CENPW: variants seen among roughly 807,000 people sequenced by gnomAD.
The protein encoded by CENPW is centromere protein W.
A neutral mutation model predicts 11.1 loss-of-function variants in CENPW; 3 were observed. The observed-to-expected ratio is 0.27, with a 90% CI of 0.12 to 0.70. The LOEUF is 0.70. Ranked by LOEUF, CENPW falls within the 30% of genes least tolerant of loss-of-function variation. The probability of loss-of-function intolerance (pLI) is 0.77; values close to 1 mark genes in which losing one functional copy is unlikely to be tolerated. For missense variants in CENPW, 100 were observed against 105.6 expected (o/e 0.95, Z 0.23); for synonymous variants, 38 against 42.0 (o/e 0.91, Z 0.37).
At chr6:126,403,464 T>C in the CENPW span, among the ~76,000 whole-genome samples, 1 of 152,020 alleles carries the variant, frequency 6.6e-6, no homozygotes, top group South Asian at 2.1e-4. Flanking sequence ...TGCAGAAAAT[T>C]TTAGTGGTCT....
At position 126,340,153 on chromosome 6, in the gene CENPW, T is replaced by A; in HGVS notation, c.-121T>A. The A allele has an allele frequency of 1.1e-6, 1 of 940,062 alleles. No homozygotes were observed. The highest frequency in any genetic ancestry group is 1.6e-6 in the Non-Finnish European group (1 of 608,820). The allele number at this position is 940,062 out of a possible 1,614,324, so 58.2% of individuals were successfully genotyped here. A position where few individuals can be genotyped will look rare whatever the true frequency, so the allele number is the denominator to read the frequency against. On this transcript the variant is annotated 5_prime_UTR_variant, in exon 1 of 3. Coordinates refer to ENST00000368328, the MANE Select transcript of CENPW (RefSeq NM_001012507.4). ...CGGATTCGAACGTTCGGACTGAGGTTTTTCTGCCTGAAGAAGCGTCATACG... is the reference window on the plus strand; with the variant it reads ...CGGATTCGAACGTTCGGACTGAGGTATTTCTGCCTGAAGAAGCGTCATACG...
intron 1 of CENPW, among the ~76,000 whole-genome samples, chr6:126,343,343 A>C (rs2128289572): frequency 6.6e-6 from 1 of 152,312 alleles, no homozygotes; most frequent in South Asian, 2.1e-4. Context: ...TTGCTTGAAA[A>C]AATTTTTGTG....
chr6:126,389,079 T>A, the CENPW span, among the ~76,000 whole-genome samples: 1 of 152,116 alleles, frequency 6.6e-6, no homozygotes, highest in South Asian at 2.1e-4. Flanking sequence ...TCCATCTCTG[T>A]TGTTCTTTGA....
the CENPW span, among the ~76,000 whole-genome samples, chr6:126,418,726 G>C: frequency 6.6e-6 from 1 of 151,816 alleles, no homozygotes; most frequent in Non-Finnish European, 1.5e-5. Flanking sequence ...TCAACTCTGG[G>C]GTTAATATTA....
At chr6:126,474,998 G>T in the CENPW span, among the ~76,000 whole-genome samples, 1 of 152,028 alleles carries the variant, frequency 6.6e-6, no homozygotes, top group Non-Finnish European at 1.5e-5. Context: ...ATTACATGTG[G>T]CATGTGGAAG....
chr6:126,363,982 T>C, the CENPW span, among the ~76,000 whole-genome samples: 1 of 152,202 alleles, frequency 6.6e-6, no homozygotes, highest in Non-Finnish European at 1.5e-5. Flanking sequence ...AGTGTCTCTT[T>C]TTCTTTTATG....
the CENPW span, among the ~76,000 whole-genome samples, chr6:126,388,363 A>G: frequency 6.6e-6 from 1 of 151,966 alleles, no homozygotes; most frequent in African/African-American, 2.4e-5. Flanking sequence ...AAGGCGATTT[A>G]CAGATAGCAC....
At chr6:126,458,704 T>C in the CENPW span, among the ~76,000 whole-genome samples, 96 of 151,430 alleles carry the variant, frequency 6.3e-4, no homozygotes, top group Non-Finnish European at 1.2e-3. Context: ...TATATCATGA[T>C]AGAAAGGAGG....
chr6:126,395,448 A>G, the CENPW span, among the ~76,000 whole-genome samples: 1 of 152,100 alleles, frequency 6.6e-6, no homozygotes, highest in Non-Finnish European at 1.5e-5. Flanking sequence ...TCTCTTTGTT[A>G]TCTTAAATTT....
chr6:126,436,860 G>C, the CENPW span, among the ~76,000 whole-genome samples: 1 of 151,954 alleles, frequency 6.6e-6, no homozygotes, highest in South Asian at 2.1e-4. Flanking sequence ...CATATGGCCT[G>C]CTTTCTTTCT....
the CENPW span, among the ~76,000 whole-genome samples, chr6:126,417,142 A>T: frequency 3.0e-4 from 45 of 152,324 alleles, no homozygotes; most frequent in East Asian, 2.9e-3. Flanking sequence ...TCATGAAATC[A>T]AAGGAGATCA....
chr6:126,385,238 C>G, the CENPW span, among the ~76,000 whole-genome samples: 2 of 152,250 alleles, frequency 1.3e-5, no homozygotes, highest in African/African-American at 4.8e-5. Flanking sequence ...CCATTCAACC[C>G]AGCGATCCCA....
chr6:126,450,904 G>A, the CENPW span, among the ~76,000 whole-genome samples: 1 of 150,776 alleles, frequency 6.6e-6, no homozygotes, highest in South Asian at 2.1e-4. Context: ...CCCATTGTCA[G>A]TGAATGAATA....
chr6:126,479,796 A>G, the CENPW span, among the ~76,000 whole-genome samples: 95 of 152,132 alleles, frequency 6.2e-4, 1 homozygote, highest in East Asian at 0.016. Flanking sequence ...CTATCATTTT[A>G]TTTATAACCT....
intron 1 of CENPW, among the ~76,000 whole-genome samples, chr6:126,344,681 G>T (rs1583954312): frequency 6.6e-6 from 1 of 152,160 alleles, no homozygotes; most frequent in African/African-American, 2.4e-5. Context: ...TGTACCAAAA[G>T]AATATCCACC....
chr6:126,460,304 C>T, the CENPW span, among the ~76,000 whole-genome samples: 2 of 151,530 alleles, frequency 1.3e-5, no homozygotes, highest in Non-Finnish European at 3.0e-5. Context: ...CTAATGTAAC[C>T]AATATTGTTC....
chr6:126,355,826 A>C, the CENPW span, among the ~76,000 whole-genome samples: 14 of 152,146 alleles, frequency 9.2e-5, no homozygotes, highest in Non-Finnish European at 1.9e-4. Context: ...CTTCTAGGAC[A>C]AGAGCTTCTG....
the CENPW span, among the ~76,000 whole-genome samples, chr6:126,385,696 G>A: frequency 1.3e-5 from 2 of 152,036 alleles, no homozygotes; most frequent in Non-Finnish European, 2.9e-5. Context: ...GAGTTCTTAT[G>A]AGATCTGACA....
At chr6:126,373,772 T>G in the CENPW span, among the ~76,000 whole-genome samples, 2 of 152,176 alleles carry the variant, frequency 1.3e-5, no homozygotes, top group African/African-American at 2.4e-5. Flanking sequence ...AAGTCAAAGT[T>G]GGGATTCCCA....
Sources: gnomAD v4.1 joint callset for allele counts (sites outside exome capture counted in the v4.1 genomes callset) on GRCh38, gnomAD v4.1.1 for gene constraint, MANE v1.5 for transcripts, NCBI Gene and HGNC (gene_info 2026-07-23, HGNC 2026-07-21) for gene names.